CHST3: variants seen among roughly 807,000 people sequenced by gnomAD.
CHST3 encodes carbohydrate sulfotransferase 3.
A neutral mutation model predicts 35.4 loss-of-function variants in CHST3; 20 were observed. The ratio of observed to expected loss-of-function variants is 0.57; its 90% confidence interval spans 0.40 to 0.82. CHST3 has a LOEUF of 0.82. Ranked by LOEUF, CHST3 falls within the 40% of genes least tolerant of loss-of-function variation. The pLI is 0.00. For missense variants in CHST3, 693 were observed against 670.1 expected (o/e 1.03, Z -0.38); for synonymous variants, 334 against 295.9 (o/e 1.13, Z -1.32).
intron 1 of CHST3, among the ~76,000 whole-genome samples, chr10:71,983,469 G>T (rs1305215948): frequency 1.3e-5 from 2 of 151,070 alleles, no homozygotes; most frequent in African/African-American, 2.4e-5. Context: ...CTTTTTTTTT[G>T]AAAAGGAGTC....
At chr10:71,978,508 G>C (rs1564525439) in intron 1 of CHST3, among the ~76,000 whole-genome samples, 1 of 152,182 alleles carries the variant, frequency 6.6e-6, no homozygotes. Context: ...CCTCTGCAGG[G>C]CAACCTCTCA....
At chr10:71,979,441 G>A (rs970018673) in intron 1 of CHST3, among the ~76,000 whole-genome samples, 1 of 152,056 alleles carries the variant, frequency 6.6e-6, no homozygotes, top group African/African-American at 2.4e-5. Context: ...GTCCCCTGGG[G>A]GATTGGTTAT....
At chr10:71,970,233 C>A (rs9783244) in intron 1 of CHST3, among the ~76,000 whole-genome samples, 6 of 150,324 alleles carry the variant, frequency 4.0e-5, no homozygotes, top group African/African-American at 1.5e-4. Flanking sequence ...AGCTGCCCTC[C>A]GTCCTCTTGA....
chr10:71,970,845 G>A (rs1839687517), intron 1 of CHST3, among the ~76,000 whole-genome samples: 1 of 152,214 alleles, frequency 6.6e-6, no homozygotes, highest in South Asian at 2.1e-4. Flanking sequence ...GTCTCTCCAA[G>A]ACGGGGCCTA....
In CHST3 at chr10:71,979,781, A is replaced by G. The variant is rs117131140; in HGVS notation, c.-108+15087A>G. On this transcript the variant is annotated intron_variant, in intron 1 of 2. Transcript: ENST00000373115. ...AAATTCAAGTACAATGGGTAAATAC[A>G]GAGAAGAATGCAGCAAATCACCACC... Among the ~76,000 whole-genome samples the G allele has an allele frequency of 2.2e-3, 337 of 152,350 alleles. 9 individuals carry two copies. The East Asian group carries it at 0.058, about 26-fold the overall frequency.
rs780778300 is a variant in CHST3 at position 72,005,837 on chromosome 10, T to G, written c.-6T>G. On this transcript the variant is annotated 5_prime_UTR_variant, in exon 2 of 3. Transcript: ENST00000373115. The stretch of plus-strand genomic sequence containing the variant: ...CCGAGGAGCCCCCACGGCCCCACCT[T>G]TCCCCATGGAGAAAGGACTCACTTT... The G allele has an allele frequency of 4.3e-6, 7 of 1,614,236 alleles. No individual in the cohort carries two copies. Among genetic ancestry groups the G allele is most frequent in the Non-Finnish European group, 5.9e-6 (7 of 1,180,038 alleles).
chr10:71,968,981 C>G (rs1432547495), intron 1 of CHST3, among the ~76,000 whole-genome samples: 1 of 150,224 alleles, frequency 6.7e-6, no homozygotes, highest in African/African-American at 2.4e-5. Flanking sequence ...CCTTTTTGGT[C>G]CTCTCCAGGG....
At chr10:71,984,097 A>G (rs1272294559) in intron 1 of CHST3, among the ~76,000 whole-genome samples, 1 of 152,210 alleles carries the variant, frequency 6.6e-6, no homozygotes, top group East Asian at 1.9e-4. Context: ...ATCTCAGCTC[A>G]CTACAGCCTC....
chr10:72,000,138 T>G (rs1839979602), intron 1 of CHST3, among the ~76,000 whole-genome samples: 1 of 152,212 alleles, frequency 6.6e-6, no homozygotes, highest in Admixed American at 6.5e-5. Context: ...GCAATTGCCT[T>G]TTTTTCTTCC....
Position 72,008,623 on chromosome 10 carries a change from C to T in CHST3, c.*152C>T, listed in dbSNP as rs1840075473. 4 of 1,408,144 alleles carry T rather than the reference C, an allele frequency of 2.8e-6. No individual in the cohort carries two copies. Among genetic ancestry groups the T allele is most frequent in the Middle Eastern group, 2.6e-4 (1 of 3,846 alleles). 87.2% of individuals were successfully genotyped at this position (1,408,144 alleles called of 1,614,324 possible). A position where few individuals can be genotyped will look rare whatever the true frequency, so the allele number is the denominator to read the frequency against. ...GCCAGCGCTCCAGCCAAAGCGGCGG[C>T]CCCAGGGTTAATTGCGGAGAACAGG... is the stretch of plus-strand genomic sequence containing the variant. On this transcript the variant is annotated 3_prime_UTR_variant, in exon 3 of 3. Coordinates refer to ENST00000373115, the MANE Select transcript of CHST3 (RefSeq NM_004273.5).
chr10:71,970,102 G>T (rs1839675928), intron 1 of CHST3, among the ~76,000 whole-genome samples: 1 of 152,224 alleles, frequency 6.6e-6, no homozygotes, highest in Non-Finnish European at 1.5e-5. Context: ...CTTGCCGGTG[G>T]ACACGCTTCA....
Position 72,005,732 on chromosome 10 carries a change from G to T in CHST3, c.-107-4G>T, listed in dbSNP as rs897621702. ...GGGTGTTCTGACCACCTGTCTCTCC[G>T]CAGGACAAGGGTGTCCCCCACCTGA... is the stretch of plus-strand genomic sequence containing the variant. On this transcript the variant is annotated splice_polypyrimidine_tract_variant and splice_region_variant and intron_variant, in intron 1 of 2. Transcript: ENST00000373115. 3.6e-6 allele frequency: 5 copies of T among 1,372,296 alleles called. No homozygotes were observed. The highest frequency in any genetic ancestry group is 3.5e-5 in the Admixed American group (2 of 56,942). 85.0% of individuals were successfully genotyped at this position (1,372,296 alleles called of 1,614,324 possible).
At chr10:71,995,786 C>T (rs1211101529) in intron 1 of CHST3, among the ~76,000 whole-genome samples, 1 of 152,162 alleles carries the variant, frequency 6.6e-6, no homozygotes, top group African/African-American at 2.4e-5. Flanking sequence ...CCCCAAAACA[C>T]TTACAATAGT....
chr10:72,009,066 C>CTATAAGAG lies in CHST3; in HGVS notation c.*595_*596insTATAAGAG, dbSNP rs2131778004. 1 of 152,698 alleles carries CTATAAGAG rather than the reference C, an allele frequency of 6.5e-6. No individual in the cohort carries two copies. Among genetic ancestry groups the CTATAAGAG allele is most frequent in the African/African-American group, 2.4e-5 (1 of 41,504 alleles). The allele number at this position is 152,698 out of a possible 1,614,324, so 9.5% of individuals were successfully genotyped here. A position where few individuals can be genotyped will look rare whatever the true frequency, so the allele number is the denominator to read the frequency against. ...TGCTGGTTACTGATGAATATGGGCC[C>CTATAAGAG]CTTATAGAGCTGCAAAACACACACA... On this transcript the variant is annotated 3_prime_UTR_variant, in exon 3 of 3. Coordinates refer to ENST00000373115, the MANE Select transcript of CHST3 (RefSeq NM_004273.5).
chr10:71,988,808 T>C (rs1348563246), intron 1 of CHST3, among the ~76,000 whole-genome samples: 24 of 152,164 alleles, frequency 1.6e-4, no homozygotes, highest in Admixed American at 1.6e-3. Flanking sequence ...TCAGGATTCT[T>C]CTCATCAAAG....
chr10:72,000,415 G>A (rs183594074), intron 1 of CHST3, among the ~76,000 whole-genome samples: 4 of 152,240 alleles, frequency 2.6e-5, no homozygotes, highest in African/African-American at 9.6e-5. Flanking sequence ...AAAGCAGGGC[G>A]CCAAGAGGGA....
chr10:71,967,902 A>C (rs971798871), intron 1 of CHST3, among the ~76,000 whole-genome samples: 2 of 151,862 alleles, frequency 1.3e-5, no homozygotes, highest in African/African-American at 4.8e-5. Context: ...GCTCACTGCA[A>C]CTTCCACCTC....
In CHST3 at chr10:72,008,087, G is replaced by A. The variant is rs779966805; in HGVS notation, c.1056G>A (p.Ala352=). 1.3e-6 allele frequency: 2 copies of A among 1,545,464 alleles called. No homozygotes were observed. The highest frequency in any genetic ancestry group is 1.2e-5 in the South Asian group (1 of 83,744). ...ACTGCGAGAGCATCCGCCTGTCCGC[G>A]GAGCTGGGGCTGCGGCAGCCCGCCT... ...RGNCESIRLS[A]ELGLRQPAWL... Residue 352 remains alanine, a synonymous_variant, in exon 3 of 3, where the codon GCG becomes GCA. Transcript: ENST00000373115.
rs759935618 is a variant in CHST3 at position 72,007,226 on chromosome 10, C to T, written c.195C>T (p.Thr65=). 15 of 1,614,196 alleles carry T rather than the reference C, an allele frequency of 9.3e-6. No individual in the cohort carries two copies. The highest frequency in any genetic ancestry group is 3.3e-5 in the Admixed American group (2 of 60,028). The change falls in exon 3 of 3, where the codon ACC becomes ACT. Residue 65 remains threonine (T), a synonymous_variant. Coordinates refer to ENST00000373115, the MANE Select transcript of CHST3 (RefSeq NM_004273.5). ...AAGCTCTAGCAGATGCCAACAGCAC[C>T]GACCCAGCCCTGATCTTAGCTGAGA... is the stretch of plus-strand genomic sequence containing the variant. ...IPQALADANS[T]DPALILAENA...
Sources: allele counts gnomAD v4.1 joint callset (sites outside exome capture counted in the v4.1 genomes callset), GRCh38; gene constraint gnomAD v4.1.1; transcripts MANE v1.5; gene names NCBI Gene and HGNC (gene_info 2026-07-23, HGNC 2026-07-21).